The following DPM2 variants were observed in gnomAD, a reference collection of about 807,000 sequenced individuals.
DPM2 encodes the protein dolichyl-phosphate mannosyltransferase subunit 2, regulatory, also known as dolichol phosphate-mannose biosynthesis regulatory protein.
Under a neutral mutation model 12.1 loss-of-function variants are expected in DPM2, and 8 were observed. That is an observed-to-expected ratio of 0.66 (90% CI 0.39 to 1.19). The LOEUF is 1.19. Among genes scored for constraint, DPM2 ranks in the 50% most tolerant of loss-of-function variants. DPM2 has a pLI of 0.01. For synonymous variants in DPM2, 38 were observed against 44.7 expected (o/e 0.85, Z 0.60); for missense variants, 93 against 102.5 (o/e 0.91, Z 0.40).
At position 127,936,630 on chromosome 9, in the gene DPM2, A is replaced by AT; in HGVS notation, c.118dup (p.Ile40AsnfsTer52). The AT allele has an allele frequency of 1.3e-6, 2 of 1,513,146 alleles. No homozygotes were observed. Among genetic ancestry groups the AT allele is most frequent in the Non-Finnish European group, 8.9e-7 (1 of 1,129,068 alleles). The allele number at this position is 1,513,146 out of a possible 1,614,324, so 93.7% of individuals were successfully genotyped here. On this transcript the variant is annotated frameshift_variant, in exon 3 of 4. Coordinates refer to ENST00000314392, the MANE Select transcript of DPM2 (RefSeq NM_003863.4). LOFTEE classifies it high-confidence loss of function. ...GGCTCGGGGCAGGAAATACTTGTGG[A>AT]TGACATGCTGACTGTCGATGAATGG...
At chr9:127,936,402 C>T (rs1457760319) in intron 3 of DPM2, 151 bp downstream of exon 3, 3 of 1,569,642 alleles carry the variant, frequency 1.9e-6, no homozygotes, top group Non-Finnish European at 2.6e-6. Context: ...CCAGAGGTTA[C>T]TGACTGGCAG....
At chr9:127,937,544 A>C in intron 1 of DPM2, 21 bp from the exon 2 acceptor site, 2 of 1,590,948 alleles carry the variant, frequency 1.3e-6, no homozygotes, top group Non-Finnish European at 8.6e-7. Context: ...GGGAGGTCTC[A>C]GCTGACGAAG....
At chr9:127,936,350 G>A (rs1282895244) in intron 3 of DPM2, 4 of 1,519,058 alleles carry the variant, frequency 2.6e-6, no homozygotes, top group Non-Finnish European at 3.5e-6. Flanking sequence ...GAAAGAGGTA[G>A]ACAGGTCATT....
In DPM2 at chr9:127,935,660, C is replaced by G. The variant is rs1220258620; in HGVS notation, c.*62G>C. 1 of 1,580,648 alleles carries G rather than the reference C, an allele frequency of 6.3e-7. No individual in the cohort carries two copies. The highest frequency in any genetic ancestry group is 1.7e-5 in the Admixed American group (1 of 58,308). On this transcript the variant is annotated 3_prime_UTR_variant, in exon 4 of 4. Coordinates refer to ENST00000314392, the MANE Select transcript of DPM2 (RefSeq NM_003863.4). The stretch of plus-strand genomic sequence containing the variant: ...TGGACAGGTTCTGCAGGCTCCCCCA[C>G]TTGGTCCCTGTGCTGGAGGGGAAGC...
At chr9:127,936,997 AT>A in intron 2 of DPM2, 1 of 307,978 alleles carries the variant, frequency 3.2e-6, no homozygotes, top group South Asian at 1.4e-4. Context: ...TTCTTCACTA[AT>A]ATTTTTTCTC....
At chr9:127,936,699 C>A (rs754932297) in intron 2 of DPM2, 44 bp from the exon 3 acceptor site, 2 of 1,430,618 alleles carry the variant, frequency 1.4e-6, no homozygotes, top group South Asian at 3.2e-5. Flanking sequence ...CTTGCCTTGC[C>A]GAGCCCCCAA....
Position 127,937,472 on chromosome 9 carries a change from T to A in DPM2, c.55A>T (p.Ile19Phe). ...CAGGCGGTGTAGTAGGTGAAGATGA[T>A]CAGGCTAACGGCGACGAGGCCGAGT... ...VGLGLVAVSL[I>F]IFTYYTAWVI... Residue 19 changes from isoleucine to phenylalanine, a missense_variant, in exon 2 of 4, where the codon ATC becomes TTC. Transcript: ENST00000314392. 6.2e-7 allele frequency: 1 copy of A among 1,613,960 alleles called. No homozygotes were observed. Among genetic ancestry groups the A allele is most frequent in the Middle Eastern group, 1.6e-4 (1 of 6,062 alleles).
chr9:127,936,931 C>A (rs1389186259), intron 2 of DPM2: 2 of 377,370 alleles, frequency 5.3e-6, no homozygotes, highest in Non-Finnish European at 9.4e-6. Flanking sequence ...ACCTCACAGC[C>A]TAGCAAATGG....
At position 127,935,666 on chromosome 9, in the gene DPM2, C is replaced by G; in HGVS notation, c.*56G>C. On this transcript the variant is annotated 3_prime_UTR_variant, in exon 4 of 4. Coordinates refer to ENST00000314392, the MANE Select transcript of DPM2 (RefSeq NM_003863.4). ...GGTTCTGCAGGCTCCCCCACTTGGTCCCTGTGCTGGAGGGGAAGCAGAGAA... is the reference window on the plus strand; with the variant it reads ...GGTTCTGCAGGCTCCCCCACTTGGTGCCTGTGCTGGAGGGGAAGCAGAGAA... The G allele has an allele frequency of 1.3e-6, 2 of 1,591,928 alleles. No homozygotes were observed. The highest frequency in any genetic ancestry group is 1.1e-5 in the South Asian group (1 of 89,736).
intron 3 of DPM2, 60 bp from the exon 4 acceptor site, chr9:127,935,840 A>T: frequency 1.3e-6 from 2 of 1,555,096 alleles, no homozygotes; most frequent in Non-Finnish European, 1.8e-6. Context: ...CTGGGAGGCC[A>T]GGGCATGACA....
chr9:127,937,710 G>T, intron 1 of DPM2, 108 bp downstream of exon 1: 2 of 1,442,742 alleles, frequency 1.4e-6, no homozygotes, highest in East Asian at 4.5e-5. Context: ...TACAATAGTG[G>T]GGGCGGGAGA....
In DPM2 at chr9:127,937,831, G is replaced by A. The variant is rs146637437; in HGVS notation, c.-11C>T. On this transcript the variant is annotated 5_prime_UTR_variant, in exon 1 of 4. Transcript: ENST00000314392. ...TGCCAATCTCACCATTTCCCCGCGC[G>A]CTCAGCCACCCGAGCCGCAAGCCAC... The A allele has an allele frequency of 1.0e-4, 163 of 1,599,078 alleles. 1 individual carries two copies. In the African/African-American group the frequency reaches 1.7e-3, roughly 17 times the overall value.
Position 127,937,101 on chromosome 9 carries a change from C to T in DPM2, c.93+333G>A, listed in dbSNP as rs1380518731. 3 of 292,106 alleles carry T rather than the reference C, an allele frequency of 1.0e-5. No homozygotes were observed. In the East Asian group the frequency reaches 1.8e-4, roughly 18 times the overall value. 18.1% of individuals were successfully genotyped at this position (292,106 alleles called of 1,614,324 possible). On this transcript the variant is annotated intron_variant, in intron 2 of 3. Transcript: ENST00000314392. ...CACAAGAAAAAAATATCCTAAAGGC[C>T]TTCACAAATATCACTGGCGTTTGCC...
At chr9:127,936,207 T>C (rs1831502085) in intron 3 of DPM2, 1 of 1,286,124 alleles carries the variant, frequency 7.8e-7, no homozygotes, top group Non-Finnish European at 1.0e-6. Context: ...CAGCCTGTTC[T>C]AGATGTGCAG....
At chr9:127,937,756 T>C (rs1831533240) in intron 1 of DPM2, 62 bp downstream of exon 1, 1 of 1,605,136 alleles carries the variant, frequency 6.2e-7, no homozygotes, top group East Asian at 2.2e-5. Flanking sequence ...CCCCAGCTCC[T>C]GAGCAGACCC....
chr9:127,937,827 G>A lies in DPM2; in HGVS notation c.-7C>T, dbSNP rs1236388816. 13 of 1,601,500 alleles carry A rather than the reference G, an allele frequency of 8.1e-6. No homozygotes were observed. In the East Asian group the frequency reaches 2.7e-4, roughly 33 times the overall value. ...ACGGTGCCAATCTCACCATTTCCCCGCGCGCTCAGCCACCCGAGCCGCAAG... is the reference window on the plus strand; with the variant it reads ...ACGGTGCCAATCTCACCATTTCCCCACGCGCTCAGCCACCCGAGCCGCAAG... On this transcript the variant is annotated 5_prime_UTR_variant, in exon 1 of 4. Transcript: ENST00000314392.
chr9:127,937,704 A>G (rs879750988), intron 1 of DPM2, 114 bp downstream of exon 1: 2 of 1,419,508 alleles, frequency 1.4e-6, no homozygotes, highest in Non-Finnish European at 1.0e-6. Context: ...CGTCCGTACA[A>G]TAGTGGGGGC....
In DPM2 at chr9:127,937,509, G is replaced by T. The variant is rs756615882; in HGVS notation, c.18C>A (p.Asp6Glu). Reference protein sequence around the residue: MATGTDQVVGLGLVAV... With the variant: MATGTEQVVGLGLVAV... ...CGACGAGGCCGAGTCCCACCACCTG[G>T]TCTGTCCCCGTGGCCTGGAGAAAAG... is the stretch of plus-strand genomic sequence containing the variant. The change falls in exon 2 of 4, where the codon GAC becomes GAA. Residue 6 changes from aspartate to glutamate, a missense_variant. Asp to Glu is a conservative substitution (Grantham distance 45). Coordinates refer to ENST00000314392, the MANE Select transcript of DPM2 (RefSeq NM_003863.4). 6.2e-7 allele frequency: 1 copy of T among 1,613,720 alleles called. No individual in the cohort carries two copies. Among genetic ancestry groups the T allele is most frequent in the South Asian group, 1.1e-5 (1 of 91,064 alleles).
At chr9:127,935,846 T>C (rs1831496413) in intron 3 of DPM2, 66 bp from the exon 4 acceptor site, 3 of 1,528,946 alleles carry the variant, frequency 2.0e-6, no homozygotes, top group African/African-American at 2.7e-5. Context: ...GGCCAGGGCA[T>C]GACACAGCAG....
Sources: allele counts gnomAD v4.1 joint callset, GRCh38; gene constraint gnomAD v4.1.1; transcripts MANE v1.5; gene names NCBI Gene and HGNC (gene_info 2026-07-23, HGNC 2026-07-21).